LCA5L: variants seen among roughly 807,000 people sequenced by gnomAD.
LCA5L encodes the protein lebercilin-like protein.
Under a neutral mutation model 45.4 loss-of-function variants are expected in LCA5L, and 35 were observed. The observed-to-expected ratio is 0.77, with a 90% CI of 0.59 to 1.02. LCA5L has a LOEUF of 1.02. LCA5L is among the 50% of genes least tolerant of loss of function. The probability of loss-of-function intolerance (pLI) is 0.00; values close to 1 mark genes in which losing one functional copy is unlikely to be tolerated. For synonymous variants in LCA5L, 233 were observed against 264.7 expected, an observed-to-expected ratio of 0.88 and a Z score of 1.16; for missense variants, 668 against 761.6, an observed-to-expected ratio of 0.88 and a Z score of 1.45.
At position 39,423,130 on chromosome 21, in the gene LCA5L, A is replaced by G; in HGVS notation, c.683T>C (p.Leu228Pro). ...QEKERTLSRK[L>P]RETDSQLLKT... is the part of the protein sequence containing the mutation. ...CAGTAACTGGCTGTCAGTTTCTCTAAGTTTCCTAGATAGAGTTCTTTCCTT... is the reference window on the plus strand; with the variant it reads ...CAGTAACTGGCTGTCAGTTTCTCTAGGTTTCCTAGATAGAGTTCTTTCCTT... The change falls in exon 6 of 11, where the codon CTT (leucine) becomes CCT (proline). Residue 228 changes from leucine (L) to proline (P), a missense_variant. Physicochemically the swap from Leu to Pro is moderately conservative, Grantham distance 98. Coordinates refer to ENST00000288350, the MANE Select transcript of LCA5L (RefSeq NM_152505.4). 1 of 1,613,884 alleles carries G rather than the reference A, an allele frequency of 6.2e-7. No homozygotes were observed. The highest frequency in any genetic ancestry group is 8.5e-7 in the Non-Finnish European group (1 of 1,179,968).
chr21:39,419,162 T>A (rs2147539851), intron 7 of LCA5L, among the ~76,000 whole-genome samples: 1 of 152,210 alleles, frequency 6.6e-6, no homozygotes, highest in South Asian at 2.1e-4. Flanking sequence ...CACCCCCCAC[T>A]ATTCTTCTCC....
rs2076201172 is a variant in LCA5L, at chr21:39,435,452, C to G, written c.-124G>C. 1 of 152,138 alleles carries G rather than the reference C, an allele frequency of 6.6e-6. No individual in the cohort carries two copies. The highest frequency in any genetic ancestry group is 6.5e-5 in the Admixed American group (1 of 15,274). 9.4% of individuals were successfully genotyped at this position (152,138 alleles called of 1,614,324 possible). On this transcript the variant is annotated 5_prime_UTR_variant, in exon 3 of 11. Transcript: ENST00000288350. ...TCTTTATTAAACTTCCCTAAGATGT[C>G]TGATGATAAACTGAAGATAAGCACA...
chr21:39,420,584 G>C (rs2042136899), intron 7 of LCA5L, 122 bp downstream of exon 7: 1 of 678,850 alleles, frequency 1.5e-6, no homozygotes, highest in South Asian at 2.8e-5. Flanking sequence ...CCCTACAAAG[G>C]GTAGAGGAGC....
chr21:39,430,135 T>C (rs1308267967), intron 3 of LCA5L, among the ~76,000 whole-genome samples: 2 of 152,216 alleles, frequency 1.3e-5, no homozygotes, highest in Admixed American at 6.5e-5. Flanking sequence ...TGCCTGTCCT[T>C]GTCCCCAGGA....
intron 6 of LCA5L, 28 bp from the exon 7 acceptor site, chr21:39,420,871 C>T: frequency 6.4e-7 from 1 of 1,563,396 alleles, no homozygotes; most frequent in Non-Finnish European, 8.7e-7. Flanking sequence ...TATAACTATT[C>T]TGCAACCAAG....
chr21:39,443,958 AG>A (rs1362677842), intron 2 of LCA5L, 176 bp downstream of exon 2: 1 of 151,162 alleles, frequency 6.6e-6, no homozygotes, highest in African/African-American at 2.4e-5. Context: ...TTGAGCCCAG[AG>A]ATGGAGGTTG....
chr21:39,415,626 CCA>C (rs1213403827), intron 7 of LCA5L, among the ~76,000 whole-genome samples: 1 of 152,184 alleles, frequency 6.6e-6, no homozygotes, highest in Non-Finnish European at 1.5e-5. Context: ...AATCAAATAT[CCA>C]GTTTGTTTAA....
intron 1 of LCA5L, chr21:39,444,707 A>C (rs1238012597): frequency 6.6e-6 from 1 of 152,098 alleles, no homozygotes; most frequent in African/African-American, 2.4e-5. Context: ...TAGAATTGTG[A>C]ATCTATTCTG....
intron 7 of LCA5L, among the ~76,000 whole-genome samples, chr21:39,412,342 T>C (rs1016657444): frequency 8.5e-5 from 13 of 152,220 alleles, no homozygotes; most frequent in African/African-American, 3.1e-4. Flanking sequence ...AAGGGTATCA[T>C]TGTTCCATTT....
intron 2 of LCA5L, among the ~76,000 whole-genome samples, chr21:39,439,355 C>T (rs968691092): frequency 6.6e-6 from 1 of 152,184 alleles, no homozygotes; most frequent in Admixed American, 6.5e-5. Context: ...AGACTTCTGA[C>T]CTCCAGAGCT....
chr21:39,425,575 T>C (rs2074530298), intron 5 of LCA5L, among the ~76,000 whole-genome samples: 2 of 152,188 alleles, frequency 1.3e-5, no homozygotes, highest in Non-Finnish European at 2.9e-5. Context: ...CTAGAAGGCC[T>C]GCGAAGAGGT....
At position 39,428,245 on chromosome 21, in the gene LCA5L, A is replaced by G; in HGVS notation, c.249T>C (p.Asn83=). The change falls in exon 5 of 11, where the codon AAT becomes AAC. Residue 83 remains asparagine (N), a synonymous_variant. Coordinates refer to ENST00000288350, the MANE Select transcript of LCA5L (RefSeq NM_152505.4). ...CDCSEKAINR[N]YLKQPVVKEK... is the part of the protein sequence containing the mutation. ...CTTTTACCACAGGCTGCTTTAAATA[A>G]TTTCTATTAATAGCCTTTTCTGAAC... 6.2e-7 allele frequency: 1 copy of G among 1,603,850 alleles called. No individual in the cohort carries two copies. Among genetic ancestry groups the G allele is most frequent in the Admixed American group, 1.7e-5 (1 of 59,848 alleles).
chr21:39,420,979 A>T (rs757472674), intron 6 of LCA5L, 136 bp from the exon 7 acceptor site: 71 of 566,098 alleles, frequency 1.3e-4, no homozygotes, highest in Non-Finnish European at 1.8e-4. Flanking sequence ...TACAGGGGAC[A>T]TATATTGGAA....
At chr21:39,414,698 C>A (rs2040730350) in intron 7 of LCA5L, among the ~76,000 whole-genome samples, 1 of 149,330 alleles carries the variant, frequency 6.7e-6, no homozygotes, top group Admixed American at 6.7e-5. Flanking sequence ...AGTACTGCAT[C>A]TGTCTGGTTC....
At position 39,428,167 on chromosome 21, in the gene LCA5L, C is replaced by T; in HGVS notation, c.322+5G>A. 3 of 1,540,700 alleles carry T rather than the reference C, an allele frequency of 1.9e-6. No individual in the cohort carries two copies. The South Asian group carries it at 3.6e-5, about 19-fold the overall frequency. On this transcript the variant is annotated splice_donor_5th_base_variant and intron_variant, in intron 5 of 10. Transcript: ENST00000288350. ...TGGTCTTGCTTGGGAAATTTTACTC[C>T]TTACCTTTAGATTGGGAGATTTTAG...
intron 9 of LCA5L, 37 bp from the exon 10 acceptor site, chr21:39,410,133 G>A (rs1350918081): frequency 2.1e-6 from 3 of 1,428,458 alleles, no homozygotes; most frequent in Non-Finnish European, 3.0e-6. Context: ...ACATTTTGGG[G>A]GGTCTAGATA....
rs902611556 is a variant in LCA5L, at chr21:39,406,840, A to G, written c.1283-228T>C. The G allele has an allele frequency of 1.3e-5, 6 of 444,644 alleles. No homozygotes were observed. The Admixed American group carries it at 1.6e-4, about 12-fold the overall frequency. 27.5% of individuals were successfully genotyped at this position (444,644 alleles called of 1,614,324 possible). A position where few individuals can be genotyped will look rare whatever the true frequency, so the allele number is the denominator to read the frequency against. On this transcript the variant is annotated intron_variant, in intron 10 of 10. Transcript: ENST00000288350. Reference sequence around the variant, plus strand: ...CCAAGCAGATGGGAATTATGAAACCAAAAGAAAAATGACATTCATAGAAGA... The same window carrying G: ...CCAAGCAGATGGGAATTATGAAACCGAAAGAAAAATGACATTCATAGAAGA...
chr21:39,412,325 C>G (rs1006237670), intron 7 of LCA5L, among the ~76,000 whole-genome samples: 2 of 152,060 alleles, frequency 1.3e-5, no homozygotes, highest in Non-Finnish European at 2.9e-5. Flanking sequence ...GGGGGGAAGC[C>G]TAGAACAAGG....
At chr21:39,418,613 G>C (rs1220152499) in intron 7 of LCA5L, among the ~76,000 whole-genome samples, 8 of 152,016 alleles carry the variant, frequency 5.3e-5, no homozygotes, top group African/African-American at 1.9e-4. Context: ...CAATTCTCCT[G>C]CCTCAGCCTC....
Sources: gnomAD v4.1 joint callset for allele counts (sites outside exome capture counted in the v4.1 genomes callset) on GRCh38, gnomAD v4.1.1 for gene constraint, MANE v1.5 for transcripts, NCBI Gene and HGNC (gene_info 2026-07-23, HGNC 2026-07-21) for gene names.